The following OTOGL variants were observed in gnomAD, a reference collection of about 807,000 sequenced individuals.
OTOGL encodes otogelin like.
In OTOGL, 285 loss-of-function variants were observed where a neutral mutation model predicts 318.5. The observed-to-expected ratio is 0.89, with a 90% CI of 0.81 to 0.99. The LOEUF is 0.99. Among genes scored for constraint, OTOGL ranks in the 50% least tolerant of loss-of-function variants. OTOGL has a pLI of 0.00. For synonymous variants in OTOGL, 987 were observed against 936.5 expected (o/e 1.05, Z -0.99); for missense variants, 2,899 against 2,845.6 (o/e 1.02, Z -0.43).
intron 18 of OTOGL, among the ~76,000 whole-genome samples, chr12:80,260,240 G>C (rs940196436): frequency 3.3e-5 from 5 of 152,096 alleles, no homozygotes; most frequent in Admixed American, 6.6e-5. Flanking sequence ...TTGTCTTCCT[G>C]TACCTTGTTT....
intron 1 of OTOGL, among the ~76,000 whole-genome samples, chr12:80,112,777 G>A (rs1040096186): frequency 6.6e-6 from 1 of 150,582 alleles, no homozygotes; most frequent in Non-Finnish European, 1.5e-5. Context: ...CATAACATGA[G>A]TTATGGAGGA....
At chr12:80,121,980 C>T (rs886460633) in intron 1 of OTOGL, among the ~76,000 whole-genome samples, 14 of 152,006 alleles carry the variant, frequency 9.2e-5, no homozygotes, top group African/African-American at 2.2e-4. Flanking sequence ...GTTGTAAACA[C>T]GAGAAAGAGA....
chr12:80,301,869 C>A (rs1036825879), intron 27 of OTOGL, among the ~76,000 whole-genome samples: 1 of 152,220 alleles, frequency 6.6e-6, no homozygotes, highest in African/African-American at 2.4e-5. Context: ...CTTTTACTCA[C>A]AAATTTAATG....
chr12:80,226,177 A>ACAC (rs1878824294), intron 7 of OTOGL, among the ~76,000 whole-genome samples: 11 of 132,890 alleles, frequency 8.3e-5, no homozygotes, highest in East Asian at 2.3e-4. Flanking sequence ...TCCTGCTCCT[A>ACAC]ACACACACAC....
rs1884028910 is a variant in OTOGL at position 80,279,150 on chromosome 12, A to G, written c.2912A>G (p.Gln971Arg). ...GAATATGACTATATCAGTGATTGCC[A>G]GGTGTTTTTGATAAAGGTAGGTCAC... ...GLEYDYISDCQVFLIKSADDS... is the reference protein window; with the variant it reads ...GLEYDYISDCRVFLIKSADDS... The change falls in exon 26 of 59, where the codon CAG becomes CGG. Residue 971 changes from glutamine to arginine, a missense_variant. Gln to Arg is a conservative substitution (Grantham distance 43, BLOSUM62 1). Transcript: ENST00000547103. The G allele has an allele frequency of 6.3e-7, 1 of 1,590,580 alleles. No homozygotes were observed.
intron 1 of OTOGL, among the ~76,000 whole-genome samples, chr12:80,147,965 G>C (rs1424226388): frequency 1.3e-5 from 2 of 151,990 alleles, no homozygotes; most frequent in African/African-American, 4.8e-5. Context: ...ACGTGAGATG[G>C]GTTTCCTGAA....
At chr12:80,122,837 T>C (rs1444434881) in intron 1 of OTOGL, among the ~76,000 whole-genome samples, 2 of 152,162 alleles carry the variant, frequency 1.3e-5, no homozygotes, top group African/African-American at 4.8e-5. Context: ...AATGCAGAAA[T>C]CTATGCAGTT....
intron 37 of OTOGL, among the ~76,000 whole-genome samples, chr12:80,330,274 A>G (rs1887986782): frequency 1.3e-5 from 2 of 152,178 alleles, no homozygotes; most frequent in Admixed American, 6.5e-5. Flanking sequence ...CCATTTGAGT[A>G]CTAATTATAT....
intron 47 of OTOGL, 94 bp downstream of exon 47, chr12:80,356,042 T>TA (rs994533117): frequency 5.6e-5 from 74 of 1,322,962 alleles, no homozygotes; most frequent in Non-Finnish European, 7.3e-5. Flanking sequence ...TTTGTATTTT[T>TA]AAAAAAGGGC....
chr12:80,300,816 T>A (rs1298969098), intron 27 of OTOGL, among the ~76,000 whole-genome samples: 3 of 152,076 alleles, frequency 2.0e-5, no homozygotes, highest in Non-Finnish European at 4.4e-5. Flanking sequence ...GGACTTGAGA[T>A]GGGTAAAAGC....
chr12:80,153,922 A>G (rs1487250493), intron 1 of OTOGL, among the ~76,000 whole-genome samples: 2 of 152,234 alleles, frequency 1.3e-5, no homozygotes, highest in Admixed American at 1.3e-4. Flanking sequence ...ACTAAAATAA[A>G]ATAGAGACCA....
At chr12:80,271,585 T>C (rs1025260562) in intron 23 of OTOGL, 63 bp from the exon 24 acceptor site, 18 of 1,461,042 alleles carry the variant, frequency 1.2e-5, no homozygotes, top group Non-Finnish European at 1.7e-5. Context: ...TGAATTTTGG[T>C]GTTCATATCT....
At chr12:80,218,646 T>TA (rs1199108834) in intron 5 of OTOGL, among the ~76,000 whole-genome samples, 1 of 152,114 alleles carries the variant, frequency 6.6e-6, no homozygotes, top group Non-Finnish European at 1.5e-5. Flanking sequence ...AGCTCACAGT[T>TA]ACTTGCTTTC....
At chr12:80,132,961 C>T (rs980021382) in intron 1 of OTOGL, among the ~76,000 whole-genome samples, 1 of 152,140 alleles carries the variant, frequency 6.6e-6, no homozygotes, top group Non-Finnish European at 1.5e-5. Flanking sequence ...CTTAGCTTTT[C>T]CTTCTTTGTG....
At chr12:80,289,158 TG>T (rs1884852722) in intron 26 of OTOGL, among the ~76,000 whole-genome samples, 1 of 152,248 alleles carries the variant, frequency 6.6e-6, no homozygotes, top group Admixed American at 6.5e-5. Flanking sequence ...GGCTCTCTTC[TG>T]CAGGTCTGTT....
At chr12:80,144,503 C>T (rs1872194910) in intron 1 of OTOGL, among the ~76,000 whole-genome samples, 1 of 148,612 alleles carries the variant, frequency 6.7e-6, no homozygotes, top group Non-Finnish European at 1.5e-5. Flanking sequence ...GTGAATAGTG[C>T]CGCAATAAAC....
At chr12:80,243,300 C>A (rs1009600063) in intron 11 of OTOGL, among the ~76,000 whole-genome samples, 2 of 152,000 alleles carry the variant, frequency 1.3e-5, no homozygotes, top group Non-Finnish European at 2.9e-5. Context: ...GGAAAAGAAA[C>A]CCTACCAATA....
At chr12:80,364,887 A>G (rs1449357929) in intron 52 of OTOGL, among the ~76,000 whole-genome samples, 1 of 152,166 alleles carries the variant, frequency 6.6e-6, no homozygotes, top group Admixed American at 6.6e-5. Context: ...ATCGTTAAGT[A>G]TCATTTAAAT....
chr12:80,223,707 G>A (rs1878568433), intron 7 of OTOGL, among the ~76,000 whole-genome samples: 1 of 151,864 alleles, frequency 6.6e-6, no homozygotes, highest in African/African-American at 2.4e-5. Flanking sequence ...TTTCATGTTT[G>A]TTGGCCATTT....
Sources: allele counts gnomAD v4.1 joint callset (sites outside exome capture counted in the v4.1 genomes callset), GRCh38; gene constraint gnomAD v4.1.1; transcripts MANE v1.5; gene names NCBI Gene and HGNC (gene_info 2026-07-23, HGNC 2026-07-21).